The following BAHCC1 variants were observed in gnomAD, a reference collection of about 807,000 sequenced individuals.
BAHCC1 encodes BAH domain and coiled-coil containing 1.
BAHCC1 carries 43 observed loss-of-function variants against 88.2 expected under a neutral mutation model. The ratio of observed to expected loss-of-function variants is 0.49; its 90% CI spans 0.38 to 0.63. The LOEUF (loss-of-function observed/expected upper bound fraction) is 0.63, where lower values mean the gene tolerates loss of function less well. BAHCC1 is among the 20% of genes least tolerant of loss of function. The pLI, the probability that BAHCC1 is intolerant of heterozygous loss-of-function variation, is 0.00. For missense variants in BAHCC1, 3,023 were observed against 1,654.8 expected, an observed-to-expected ratio of 1.83 and a Z score of -14.34; for synonymous variants, 1,510 against 745.5, an observed-to-expected ratio of 2.03 and a Z score of -16.71.
Position 81,464,750 on chromosome 17 carries a change from C to T in BAHCC1, c.*933C>T, listed in dbSNP as rs896812713. The stretch of plus-strand genomic sequence containing the variant: ...TCCAACCTATATCTGATTTCTGTTT[C>T]CGGGGCCAGTTGGTCTGAGGCCAAG... On this transcript the variant is annotated 3_prime_UTR_variant, in exon 28 of 28. Transcript: ENST00000675386. The T allele has an allele frequency of 2.6e-5, 4 of 152,540 alleles. No individual in the cohort carries two copies. Among genetic ancestry groups the T allele is most frequent in the African/African-American group, 4.8e-5 (2 of 41,452 alleles). The allele number at this position is 152,540 out of a possible 1,614,324, so 9.4% of individuals were successfully genotyped here.
chr17:81,406,918 C>T (rs1555647008), intron 2 of BAHCC1: 6 of 456,202 alleles, frequency 1.3e-5, no homozygotes, highest in South Asian at 7.7e-5. Context: ...ATTAGGTTCC[C>T]GATCGGATCA....
Position 81,442,905 on chromosome 17 carries a change from C to T in BAHCC1, c.1556C>T (p.Ala519Val). The change falls in exon 5 of 28, where the codon GCC becomes GTC. Residue 519 changes from alanine (A) to valine (V), a missense_variant. Coordinates refer to ENST00000675386, the MANE Select transcript of BAHCC1 (RefSeq NM_001377448.1). ...QDPLGGKAPQ[A>V]CCTLDKTVGK... is the part of the protein sequence containing the mutation. ...CCGCTGGGCGGGAAGGCCCCCCAGG[C>T]CTGCTGCACTTTAGATAAGACTGTT... 1.3e-6 allele frequency: 1 copy of T among 779,212 alleles called. No individual in the cohort carries two copies. The highest frequency in any genetic ancestry group is 2.4e-6 in the Non-Finnish European group (1 of 417,836). The allele number at this position is 779,212 out of a possible 1,614,324, so 48.3% of individuals were successfully genotyped here. A position where few individuals can be genotyped will look rare whatever the true frequency, so the allele number is the denominator to read the frequency against.
rs557234861 is a variant in BAHCC1, at chr17:81,446,073, C to T, written c.3163+392C>T. The stretch of plus-strand genomic sequence containing the variant: ...GCAAAGCTGGGAGAGGGAGGGGCAG[C>T]GAGGCGGGGTGCCTGGGTGGGGGGG... On this transcript the variant is annotated intron_variant, in intron 10 of 27. Coordinates refer to ENST00000675386, the MANE Select transcript of BAHCC1 (RefSeq NM_001377448.1). Among the ~76,000 whole-genome samples the T allele has an allele frequency of 5.3e-4, 81 of 151,456 alleles. 1 individual carries two copies. In the South Asian group the frequency reaches 0.016, roughly 29 times the overall value.
chr17:81,424,153 A>C (rs113195645), intron 2 of BAHCC1, among the ~76,000 whole-genome samples: 64 of 152,186 alleles, frequency 4.2e-4, no homozygotes, highest in African/African-American at 1.5e-3. Context: ...TGCTCGCCTG[A>C]GACTGGGGCA....
chr17:81,398,309 C>T (rs1209631212), intron 1 of BAHCC1, among the ~76,000 whole-genome samples: 1 of 152,186 alleles, frequency 6.6e-6, no homozygotes, highest in Non-Finnish European at 1.5e-5. Flanking sequence ...TAAAATTGTC[C>T]CCAATTTCGC....
intron 26 of BAHCC1, among the ~76,000 whole-genome samples, chr17:81,462,281 C>T (rs969738021): frequency 1.4e-4 from 21 of 152,328 alleles, no homozygotes; most frequent in African/African-American, 1.7e-4. Context: ...GGCTTCATGT[C>T]GGGCCGGGCC....
At chr17:81,453,268 A>C (rs1315957988) in intron 14 of BAHCC1, among the ~76,000 whole-genome samples, 1 of 152,134 alleles carries the variant, frequency 6.6e-6, no homozygotes, top group Admixed American at 6.5e-5. Flanking sequence ...CGATGTTATT[A>C]TCCATTACCC....
chr17:81,444,169 C>A, intron 6 of BAHCC1: 1 of 605,564 alleles, frequency 1.7e-6, no homozygotes. Flanking sequence ...GTCAGCCCTG[C>A]AGAGCACTGA....
rs1555652675 is a variant in BAHCC1 at position 81,442,148 on chromosome 17, C to T, written c.799C>T (p.Pro267Ser). 2 of 657,508 alleles carry T rather than the reference C, an allele frequency of 3.0e-6. No homozygotes were observed. Among genetic ancestry groups the T allele is most frequent in the South Asian group, 1.7e-5 (1 of 58,808 alleles). 40.7% of individuals were successfully genotyped at this position (657,508 alleles called of 1,614,324 possible). The change falls in exon 5 of 28, where the codon CCC becomes TCC. Residue 267 changes from proline to serine, a missense_variant. Coordinates refer to ENST00000675386, the MANE Select transcript of BAHCC1 (RefSeq NM_001377448.1). ...PADGHCREGG[P>S]APRGACEGRP... ...CGACGGGCACTGCAGGGAGGGCGGC[C>T]CCGCACCCCGAGGGGCCTGCGAGGG...
Position 81,461,553 on chromosome 17 carries a change from A to G in BAHCC1, c.6890A>G (p.Glu2297Gly), listed in dbSNP as rs2030274940. ...CACAGCTCCTTCTCGGACGAGGACG[A>G]GGACGGGCCGGGGCTGGCGGCCGGC... Reference protein sequence around the residue: ...DCHSSFSDEDEDGPGLAAGVP... With the variant: ...DCHSSFSDEDGDGPGLAAGVP... The change falls in exon 26 of 28, where the codon GAG (glutamate) becomes GGG (glycine). Residue 2297 changes from glutamate to glycine, a missense_variant. Coordinates refer to ENST00000675386, the MANE Select transcript of BAHCC1 (RefSeq NM_001377448.1). The G allele has an allele frequency of 1.4e-6, 1 of 724,812 alleles. No homozygotes were observed. Among genetic ancestry groups the G allele is most frequent in the Non-Finnish European group, 2.6e-6 (1 of 389,312 alleles). The allele number at this position is 724,812 out of a possible 1,614,324, so 44.9% of individuals were successfully genotyped here.
chr17:81,462,012 GGCA>G lies in BAHCC1; in HGVS notation c.7352_7354del (p.Gln2451del). 1 of 778,094 alleles carries G rather than the reference GGCA, an allele frequency of 1.3e-6. No homozygotes were observed. Among genetic ancestry groups the G allele is most frequent in the Non-Finnish European group, 2.4e-6 (1 of 417,324 alleles). The allele number at this position is 778,094 out of a possible 1,614,324, so 48.2% of individuals were successfully genotyped here. On this transcript the variant is annotated inframe_deletion, in exon 26 of 28. Transcript: ENST00000675386. ...AAGATCTCAGCCTTCCTGCCCGCCC[GGCA>G]GCTCTGGAAGTGGTCGGGGAATCCC...
intron 3 of BAHCC1, among the ~76,000 whole-genome samples, chr17:81,437,310 G>A (rs990164994): frequency 2.6e-5 from 4 of 152,240 alleles, no homozygotes; most frequent in Admixed American, 1.3e-4. Context: ...CAGGCCGGCC[G>A]GCACTGGCAC....
At chr17:81,428,024 G>A (rs1447372111) in intron 3 of BAHCC1, among the ~76,000 whole-genome samples, 15 of 152,338 alleles carry the variant, frequency 9.8e-5, no homozygotes, top group East Asian at 9.6e-4. Context: ...CTGGGCTTTC[G>A]GCTCAGGGCG....
rs375191474 is a variant in BAHCC1, at chr17:81,399,128, AGTGTGT to A, written c.-206-386_-206-381del. 0.12 allele frequency: 28,823 copies of A among 231,278 alleles called. 1,371 individuals are homozygous for A. Among genetic ancestry groups the A allele is most frequent in the South Asian group, 0.19 (6,589 of 33,822 alleles). The allele number at this position is 231,278 out of a possible 1,614,324, so 14.3% of individuals were successfully genotyped here. On this transcript the variant is annotated intron_variant, in intron 1 of 27. Transcript: ENST00000675386. This position sits in a 1 kb window ranked among gnomAD's most constrained non-coding sequence, Gnocchi z 4.5. ...GGGGAGGGGAGAGGGTGTGCGTGTG[AGTGTGT>A]GTGTGTGTGTGTGTGTGTGCGAGTG...
At chr17:81,451,220 A>T (rs2064627390) in intron 11 of BAHCC1, 2 of 165,890 alleles carry the variant, frequency 1.2e-5, no homozygotes, top group Non-Finnish European at 2.6e-5. Flanking sequence ...GTTGAACTTC[A>T]GCAGCTTCCG....
chr17:81,418,311 A>G (rs2064061204), intron 2 of BAHCC1, among the ~76,000 whole-genome samples: 1 of 152,148 alleles, frequency 6.6e-6, no homozygotes, highest in Admixed American at 6.5e-5. Flanking sequence ...TCTCCACCAC[A>G]GAGGGGAGCT....
Position 81,399,904 on chromosome 17 carries a change from G to A in BAHCC1, c.165G>A (p.Met55Ile). ...PGKYFPSPLP[M>I]ASHTASSRLM... ...AGTACTTCCCGTCGCCGTTGCCCATGGCTTCGCACACAGGTCAGTGCTCGG... is the reference window on the plus strand; with the variant it reads ...AGTACTTCCCGTCGCCGTTGCCCATAGCTTCGCACACAGGTCAGTGCTCGG... The change falls in exon 2 of 28, where the codon ATG becomes ATA. Residue 55 changes from methionine (M) to isoleucine (I), a missense_variant. Physicochemically the swap from Met to Ile is conservative, Grantham distance 10. Transcript: ENST00000675386. The surrounding 1 kb of genome is among the most constrained non-coding windows in gnomAD (Gnocchi z 4.5). 6.9e-7 allele frequency: 1 copy of A among 1,446,676 alleles called. No homozygotes were observed. Among genetic ancestry groups the A allele is most frequent in the Non-Finnish European group, 9.1e-7 (1 of 1,096,806 alleles). 89.6% of individuals were successfully genotyped at this position (1,446,676 alleles called of 1,614,324 possible). A position where few individuals can be genotyped will look rare whatever the true frequency, so the allele number is the denominator to read the frequency against.
At chr17:81,427,954 A>G (rs1161766401) in intron 3 of BAHCC1, among the ~76,000 whole-genome samples, 1 of 152,232 alleles carries the variant, frequency 6.6e-6, no homozygotes, top group Non-Finnish European at 1.5e-5. Flanking sequence ...TTGTGCAACA[A>G]GAAAGGGGCT....
rs782215956 is a variant in BAHCC1 at position 81,424,966 on chromosome 17, TGTG to T, written c.179-1831_179-1829del. Among the ~76,000 whole-genome samples the T allele has an allele frequency of 1.8e-3, 258 of 141,768 alleles. 7 individuals carry two copies. In the East Asian group the frequency reaches 0.054, roughly 30 times the overall value. The allele number at this position is 141,768 out of a possible 152,430, so 93.0% of individuals were successfully genotyped here. A position where few individuals can be genotyped will look rare whatever the true frequency, so the allele number is the denominator to read the frequency against. The stretch of plus-strand genomic sequence containing the variant: ...GTGGTGGGTGATGTGGTTGGCATGA[TGTG>T]GTTGGTGTGATGTGGTTGGTGGTGA... On this transcript the variant is annotated intron_variant, in intron 2 of 27. Coordinates refer to ENST00000675386, the MANE Select transcript of BAHCC1 (RefSeq NM_001377448.1).
Sources: allele counts gnomAD v4.1 joint callset (sites outside exome capture counted in the v4.1 genomes callset), GRCh38; gene constraint gnomAD v4.1.1; non-coding constraint Gnocchi (gnomAD v3.1); transcripts MANE v1.5; gene names NCBI Gene and HGNC (gene_info 2026-07-23, HGNC 2026-07-21).